CTNNA2: variants seen among roughly 807,000 people sequenced by gnomAD.
CTNNA2 encodes catenin alpha 2.
Under a neutral mutation model 101.0 loss-of-function variants are expected in CTNNA2, and 42 were observed. The ratio of observed to expected loss-of-function variants is 0.42; its 90% CI spans 0.32 to 0.54. The LOEUF (loss-of-function observed/expected upper bound fraction) is 0.54, where lower values mean the gene tolerates loss of function less well. Ranked by LOEUF, CTNNA2 falls within the 20% of genes least tolerant of loss-of-function variation. The pLI is 0.14. For missense variants in CTNNA2, 871 were observed against 1,223.1 expected, an observed-to-expected ratio of 0.71 and a Z score of 4.29; for synonymous variants, 450 against 456.4, an observed-to-expected ratio of 0.99 and a Z score of 0.18.
intron 7 of CTNNA2, among the ~76,000 whole-genome samples, chr2:80,241,544 A>G (rs1670940829): frequency 6.6e-6 from 1 of 152,004 alleles, no homozygotes; most frequent in African/African-American, 2.4e-5. Context: ...TGCCATATAT[A>G]TCTATACATC....
chr2:80,194,367 A>G (rs1305779446), intron 7 of CTNNA2, among the ~76,000 whole-genome samples: 1 of 152,242 alleles, frequency 6.6e-6, no homozygotes, highest in Non-Finnish European at 1.5e-5. Flanking sequence ...TTTTTTAAAT[A>G]CAGAGAAATT....
At chr2:80,501,487 A>G (rs960126323) in intron 9 of CTNNA2, among the ~76,000 whole-genome samples, 1 of 152,216 alleles carries the variant, frequency 6.6e-6, no homozygotes, top group African/African-American at 2.4e-5. Flanking sequence ...GAACATAAAC[A>G]ATATGAACTG....
intron 7 of CTNNA2, among the ~76,000 whole-genome samples, chr2:79,921,659 C>T (rs1281059028): frequency 1.3e-5 from 2 of 152,182 alleles, no homozygotes; most frequent in Non-Finnish European, 2.9e-5. Flanking sequence ...GAATATCAAG[C>T]CTCATGGATT....
chr2:80,177,149 G>T (rs1470834233), intron 7 of CTNNA2, among the ~76,000 whole-genome samples: 1 of 152,140 alleles, frequency 6.6e-6, no homozygotes. Flanking sequence ...TGAGACCAGT[G>T]GGTTTCATGA....
intron 2 of CTNNA2, among the ~76,000 whole-genome samples, chr2:79,702,527 C>T (rs915499823): frequency 1.3e-5 from 2 of 152,156 alleles, no homozygotes; most frequent in Admixed American, 6.5e-5. Context: ...ATGAAGGACC[C>T]TATAGTTCAC....
intron 2 of CTNNA2, among the ~76,000 whole-genome samples, chr2:79,720,786 T>G (rs762684674): frequency 1.3e-5 from 2 of 152,078 alleles, no homozygotes; most frequent in Non-Finnish European, 2.9e-5. Context: ...CACAGAGTCT[T>G]TAGGGTTTTC....
At chr2:80,516,563 G>A (rs900793975) in intron 9 of CTNNA2, among the ~76,000 whole-genome samples, 2 of 152,188 alleles carry the variant, frequency 1.3e-5, no homozygotes, top group Non-Finnish European at 2.9e-5. Context: ...GGTTAAGCAC[G>A]TGGCAGGGGC....
chr2:80,299,846 C>T (rs780741063), intron 7 of CTNNA2, among the ~76,000 whole-genome samples: 19 of 152,176 alleles, frequency 1.2e-4, no homozygotes, highest in Non-Finnish European at 2.2e-4. Context: ...TAAGCACACC[C>T]ACACAGCTCT....
At chr2:79,555,115 C>T (rs1185915790) in intron 1 of CTNNA2, among the ~76,000 whole-genome samples, 2 of 152,164 alleles carry the variant, frequency 1.3e-5, no homozygotes, top group African/African-American at 4.8e-5. Flanking sequence ...AGGGCACATT[C>T]CTTTGTGGGT....
At chr2:79,488,121 C>G (rs976353862) in intron 4 of CTNNA2, among the ~76,000 whole-genome samples, 1 of 151,942 alleles carries the variant, frequency 6.6e-6, no homozygotes, top group Admixed American at 6.6e-5. Context: ...GAGTTCGAGA[C>G]CAGCCTGATC....
chr2:79,227,473 C>T (rs1674435077), intron 2 of CTNNA2, among the ~76,000 whole-genome samples: 1 of 152,006 alleles, frequency 6.6e-6, no homozygotes, highest in African/African-American at 2.4e-5. Flanking sequence ...TGCGTGAAAG[C>T]CCTCTGGATG....
chr2:80,420,225 A>G (rs554373941), intron 9 of CTNNA2, among the ~76,000 whole-genome samples: 1 of 152,226 alleles, frequency 6.6e-6, no homozygotes, highest in Admixed American at 6.5e-5. Flanking sequence ...AAAATATTGT[A>G]CAAAGTAAAT....
At chr2:79,619,693 C>T (rs1678868661) in intron 1 of CTNNA2, among the ~76,000 whole-genome samples, 1 of 152,118 alleles carries the variant, frequency 6.6e-6, no homozygotes, top group Non-Finnish European at 1.5e-5. Flanking sequence ...ACCTCTGCTG[C>T]CATCACCACT....
Position 80,277,553 on chromosome 2 carries a change from GA to G in CTNNA2, c.1057-115638del, listed in dbSNP as rs10650278. 9.5e-3 allele frequency among the ~76,000 whole-genome samples: 798 copies of G among 83,792 alleles called. 4 individuals carry two copies. The highest frequency in any genetic ancestry group is 0.02 in the East Asian group (53 of 2,704). 55.0% of individuals were successfully genotyped at this position (83,792 alleles called of 152,430 possible). On this transcript the variant is annotated intron_variant, in intron 7 of 18. Coordinates refer to ENST00000402739, the MANE Select transcript of CTNNA2 (RefSeq NM_001282597.3). ...AGGAGAGACTCAGGGAAGGATTTCT[GA>G]AAAAAAAAAAAAAAAAAAATGGACT...
At chr2:80,121,869 G>A (rs1449703177) in intron 7 of CTNNA2, among the ~76,000 whole-genome samples, 3 of 152,086 alleles carry the variant, frequency 2.0e-5, no homozygotes, top group Non-Finnish European at 4.4e-5. Context: ...TAGAGGAGCC[G>A]TTCATCTGTT....
intron 7 of CTNNA2, among the ~76,000 whole-genome samples, chr2:80,255,909 T>C (rs1329599576): frequency 6.6e-6 from 1 of 152,182 alleles, no homozygotes; most frequent in Non-Finnish European, 1.5e-5. Flanking sequence ...TGCACCTTCC[T>C]GCCACCCTTC....
chr2:79,681,443 T>C (rs1573660878), intron 2 of CTNNA2, among the ~76,000 whole-genome samples: 2 of 152,196 alleles, frequency 1.3e-5, no homozygotes, highest in South Asian at 4.1e-4. Flanking sequence ...GCACCAGTGA[T>C]GTAATCTTTC....
At chr2:80,406,284 A>G (rs944001239) in intron 8 of CTNNA2, among the ~76,000 whole-genome samples, 6 of 151,616 alleles carry the variant, frequency 4.0e-5, no homozygotes, top group Non-Finnish European at 8.8e-5. Flanking sequence ...CAGTGAGTCG[A>G]GATCGCGCCA....
At chr2:79,986,044 G>T (rs966698462) in intron 7 of CTNNA2, among the ~76,000 whole-genome samples, 1 of 152,172 alleles carries the variant, frequency 6.6e-6, no homozygotes, top group Non-Finnish European at 1.5e-5. Context: ...CATGGGATAG[G>T]TGAGTTTGCT....
Sources: gnomAD v4.1 joint callset for allele counts (sites outside exome capture counted in the v4.1 genomes callset) on GRCh38, gnomAD v4.1.1 for gene constraint, MANE v1.5 for transcripts, NCBI Gene and HGNC (gene_info 2026-07-23, HGNC 2026-07-21) for gene names.